Variants in KATNIP observed in about 807,000 individuals in gnomAD.
The protein encoded by KATNIP is katanin interacting protein, also known as katanin-interacting protein.
In KATNIP, 126 loss-of-function variants were observed where a neutral mutation model predicts 174.0. The observed-to-expected ratio is 0.72, with a 90% CI of 0.63 to 0.84. The LOEUF (loss-of-function observed/expected upper bound fraction) is 0.84. Ranked by LOEUF, KATNIP falls within the 40% of genes least tolerant of loss-of-function variation. The probability of loss-of-function intolerance (pLI) is 0.00; values close to 1 mark genes in which losing one functional copy is unlikely to be tolerated. For missense variants in KATNIP, 1,958 were observed against 2,109.7 expected, an observed-to-expected ratio of 0.93 and a Z score of 1.41; for synonymous variants, 810 against 835.7, an observed-to-expected ratio of 0.97 and a Z score of 0.53.
At chr16:27,693,443 C>A (rs2078804350) in intron 8 of KATNIP, among the ~76,000 whole-genome samples, 1 of 152,064 alleles carries the variant, frequency 6.6e-6, no homozygotes, top group African/African-American at 2.4e-5. Context: ...GGCTGGAGTG[C>A]CGTGGCATGA....
chr16:27,592,525 G>T (rs913137081), intron 2 of KATNIP, among the ~76,000 whole-genome samples: 1 of 151,936 alleles, frequency 6.6e-6, no homozygotes, highest in African/African-American at 2.4e-5. Flanking sequence ...AGCTGAGGTG[G>T]GAAGATCACT....
chr16:27,699,638 A>G (rs373127013), intron 10 of KATNIP, 39 bp downstream of exon 10: 6 of 1,613,278 alleles, frequency 3.7e-6, no homozygotes, highest in Non-Finnish European at 5.1e-6. Flanking sequence ...AGCCCCACGC[A>G]TGTGCGTAGC....
At position 27,777,071 on chromosome 16, in the gene KATNIP, G is replaced by A. The variant is rs202220217; in HGVS notation, c.4551+42G>A. On this transcript the variant is annotated intron_variant, in intron 25 of 27. Coordinates refer to ENST00000261588, the MANE Select transcript of KATNIP (RefSeq NM_015202.5). The surrounding 1 kb of genome is among the most constrained non-coding windows in gnomAD (Gnocchi z 4.4). ...TGAGTTTTTTGAGATAATTATGCTC[G>A]TTGGTAATTAGGCCGCCGGCAATTA... is the stretch of plus-strand genomic sequence containing the variant. 1.0e-3 allele frequency: 1,288 copies of A among 1,290,456 alleles called. 5 individuals carry two copies. Among genetic ancestry groups the A allele is most frequent in the Non-Finnish European group, 1.3e-3 (1,154 of 889,112 alleles). The allele number at this position is 1,290,456 out of a possible 1,614,324, so 79.9% of individuals were successfully genotyped here.
chr16:27,759,729 C>T (rs1425046825), intron 18 of KATNIP, among the ~76,000 whole-genome samples: 2 of 152,332 alleles, frequency 1.3e-5, no homozygotes, highest in African/African-American at 4.8e-5. Context: ...ACAGGCTCTG[C>T]TTGCCTCACG....
chr16:27,757,837 G>A (rs751988279), intron 18 of KATNIP, among the ~76,000 whole-genome samples: 3 of 152,142 alleles, frequency 2.0e-5, no homozygotes, highest in East Asian at 3.9e-4. Flanking sequence ...TGTCGGGGTT[G>A]GTAAATACGG....
chr16:27,757,622 T>A (rs2081786729), intron 18 of KATNIP: 1 of 622,950 alleles, frequency 1.6e-6, no homozygotes, highest in African/African-American at 2.0e-5. Context: ...GCAAGTGTAA[T>A]TTCTCTTCTC....
Position 27,776,845 on chromosome 16 carries a change from C to A in KATNIP, c.4450-83C>A. The A allele has an allele frequency of 1.0e-6, 1 of 992,256 alleles. No individual in the cohort carries two copies. The highest frequency in any genetic ancestry group is 1.6e-6 in the Non-Finnish European group (1 of 623,224). 61.5% of individuals were successfully genotyped at this position (992,256 alleles called of 1,614,324 possible). The stretch of plus-strand genomic sequence containing the variant: ...CTGCCTTGGGCACCACCGCTCACCC[C>A]AGCCCACGCCTGGCACCCCCAGCCC... On this transcript the variant is annotated intron_variant, in intron 24 of 27. Coordinates refer to ENST00000261588, the MANE Select transcript of KATNIP (RefSeq NM_015202.5). This position sits in a 1 kb window ranked among gnomAD's most constrained non-coding sequence, Gnocchi z 4.7.
At position 27,740,110 on chromosome 16, in the gene KATNIP, G is replaced by A. The variant is rs1224515574; in HGVS notation, c.1813G>A (p.Asp605Asn). The A allele has an allele frequency of 6.2e-7, 1 of 1,614,204 alleles. No homozygotes were observed. Among genetic ancestry groups the A allele is most frequent in the South Asian group, 1.1e-5 (1 of 91,074 alleles). The change falls in exon 15 of 28, where the codon GAC becomes AAC. Residue 605 changes from aspartate to asparagine, a missense_variant. Asp to Asn is a conservative substitution (Grantham distance 23). Transcript: ENST00000261588. ...NRNLIFNGKL[D>N]KGDREAPADH... is the part of the protein sequence containing the mutation. Reference sequence around the variant, plus strand: ...AAACCTCATCTTCAATGGCAAGTTAGACAAAGGAGATAGGGAGGCCCCAGC... The same window carrying A: ...AAACCTCATCTTCAATGGCAAGTTAAACAAAGGAGATAGGGAGGCCCCAGC...
chr16:27,633,183 G>T (rs1017690730), intron 5 of KATNIP, among the ~76,000 whole-genome samples: 4 of 152,102 alleles, frequency 2.6e-5, no homozygotes, highest in African/African-American at 9.7e-5. Context: ...TTTCTCTGGG[G>T]TCCCCTTGGC....
rs752797954 is a variant in KATNIP at position 27,774,984 on chromosome 16, G to A, written c.4349G>A (p.Gly1450Asp). Residue 1450 changes from glycine (G) to aspartate (D), a missense_variant, in exon 24 of 28, where the codon GGT (glycine) becomes GAT (aspartate). By Grantham distance (94) the Gly-to-Asp change is moderately conservative (BLOSUM62 -1). Around this residue, in one of 3 missense-constraint regions of KATNIP, gnomAD observed 383 missense variants for 456.0 expected, o/e 0.84. Coordinates refer to ENST00000261588, the MANE Select transcript of KATNIP (RefSeq NM_015202.5). ...AFPDSVNSLE[G>D]VGGDVRTPDK... is the part of the protein sequence containing the mutation. ...CCCGACAGCGTGAACTCCCTGGAGG[G>A]TGTGGGCGGGGACGTCCGCACCCCA... 1.1e-5 allele frequency: 18 copies of A among 1,613,790 alleles called. No homozygotes were observed. The Admixed American group carries it at 3.0e-4, about 27-fold the overall frequency.
rs560826122 is a variant in KATNIP, at chr16:27,738,963, C to T, written c.1744-1078C>T. 1.1e-3 allele frequency among the ~76,000 whole-genome samples: 171 copies of T among 151,616 alleles called. 2 individuals are homozygous for T. The highest frequency in any genetic ancestry group is 4.0e-3 in the African/African-American group (163 of 41,246). ...TGTCCCAGTCTTGGAGAGACATTTG[C>T]GACATGCATTTAAGCAGAAGACTCC... is the stretch of plus-strand genomic sequence containing the variant. On this transcript the variant is annotated intron_variant, in intron 14 of 27. Transcript: ENST00000261588.
intron 8 of KATNIP, among the ~76,000 whole-genome samples, chr16:27,683,171 G>T (rs1269958782): frequency 6.6e-6 from 1 of 152,226 alleles, no homozygotes; most frequent in Non-Finnish European, 1.5e-5. Flanking sequence ...AGGTCCCGGA[G>T]TTGGGATCTG....
At chr16:27,624,712 C>T (rs1340392783) in intron 3 of KATNIP, among the ~76,000 whole-genome samples, 2 of 152,060 alleles carry the variant, frequency 1.3e-5, no homozygotes, top group East Asian at 1.9e-4. Context: ...CCCTGCTACT[C>T]GAGAGGCTGA....
At chr16:27,778,505 G>A (rs373460286) in intron 27 of KATNIP, 69 bp from the exon 28 acceptor site, 118 of 1,497,700 alleles carry the variant, frequency 7.9e-5, no homozygotes, top group Non-Finnish European at 1.1e-4. Context: ...ATTTCACTGG[G>A]GAGTGTGGGG....
intron 14 of KATNIP, among the ~76,000 whole-genome samples, chr16:27,739,546 G>A (rs946323379): frequency 6.6e-6 from 1 of 152,114 alleles, no homozygotes; most frequent in Non-Finnish European, 1.5e-5. Flanking sequence ...TGATGCCCAC[G>A]GAGGCCAGGA....
intron 1 of KATNIP, among the ~76,000 whole-genome samples, chr16:27,560,055 G>A (rs1432846852): frequency 6.6e-6 from 1 of 151,444 alleles, no homozygotes; most frequent in Non-Finnish European, 1.5e-5. Flanking sequence ...AGACTGAGGC[G>A]GGCAGATCAC....
chr16:27,665,956 A>G (rs571966334), intron 6 of KATNIP, among the ~76,000 whole-genome samples: 11 of 151,808 alleles, frequency 7.2e-5, no homozygotes, highest in Non-Finnish European at 1.3e-4. Context: ...TATGGATGTG[A>G]TCTCTCCCCT....
At chr16:27,695,963 A>G (rs1456645153) in intron 8 of KATNIP, among the ~76,000 whole-genome samples, 2 of 152,224 alleles carry the variant, frequency 1.3e-5, no homozygotes, top group African/African-American at 2.4e-5. Flanking sequence ...AAGCCTTCAT[A>G]TAATTTTACC....
chr16:27,673,005 G>A (rs764529620), intron 6 of KATNIP, among the ~76,000 whole-genome samples: 8 of 152,188 alleles, frequency 5.3e-5, no homozygotes, highest in South Asian at 4.1e-4. Context: ...AGCTAGGAAC[G>A]TAATCCACAG....
Sources: gnomAD v4.1 joint callset for allele counts (sites outside exome capture counted in the v4.1 genomes callset) on GRCh38, gnomAD v4.1.1 for gene constraint, gnomAD v4.1.1 regional missense constraint, Gnocchi (gnomAD v3.1) non-coding constraint, MANE v1.5 for transcripts, NCBI Gene and HGNC (gene_info 2026-07-23, HGNC 2026-07-21) for gene names.